Variants in NAA16 observed in about 807,000 individuals in gnomAD.
NAA16 encodes the protein NARG1-like protein.
In NAA16, 97 loss-of-function variants were observed where a neutral mutation model predicts 110.3. The observed-to-expected ratio is 0.88, with a 90% CI of 0.75 to 1.04. The LOEUF (loss-of-function observed/expected upper bound fraction) is 1.04, where lower values mean the gene tolerates loss of function less well. Ranked by LOEUF, NAA16 falls within the 50% of genes least tolerant of loss-of-function variation. The pLI is 0.00. For missense variants in NAA16, 1,017 were observed against 1,005.1 expected (o/e 1.01, Z -0.16); for synonymous variants, 372 against 330.6 (o/e 1.13, Z -1.36).
At chr13:41,350,851 C>G (rs1300400922) in intron 9 of NAA16, among the ~76,000 whole-genome samples, 1 of 152,066 alleles carries the variant, frequency 6.6e-6, no homozygotes, top group Admixed American at 6.6e-5. Flanking sequence ...TCTTGGGCTC[C>G]TGGGCTTAAG....
intron 9 of NAA16, among the ~76,000 whole-genome samples, chr13:41,344,608 C>A (rs749387898): frequency 6.6e-6 from 1 of 152,118 alleles, no homozygotes; most frequent in Non-Finnish European, 1.5e-5. Flanking sequence ...CTACTGTTGA[C>A]GTGTTGGGCT....
intron 1 of NAA16, among the ~76,000 whole-genome samples, chr13:41,313,040 C>T (rs188390291): frequency 8.2e-4 from 125 of 151,906 alleles, no homozygotes; most frequent in South Asian, 5.0e-3. Context: ...TTATAAATCG[C>T]TAGTTGGATT....
chr13:41,336,846 C>A, intron 9 of NAA16, 90 bp downstream of exon 9: 1 of 687,992 alleles, frequency 1.5e-6, no homozygotes, highest in Non-Finnish European at 2.3e-6. Context: ...ATTACTTAAT[C>A]ATTTTCTTTG....
At chr13:41,331,132 A>C (rs532491811) in intron 7 of NAA16, 142 bp from the exon 8 acceptor site, 1 of 531,460 alleles carries the variant, frequency 1.9e-6, no homozygotes, top group African/African-American at 1.9e-5. Flanking sequence ...AGAGTTTTAA[A>C]TGTCATTTTT....
chr13:41,366,418 T>C (rs2043208206), intron 13 of NAA16, among the ~76,000 whole-genome samples: 1 of 152,106 alleles, frequency 6.6e-6, no homozygotes, highest in Non-Finnish European at 1.5e-5. Flanking sequence ...TCTATATTGG[T>C]GTATTGAATC....
chr13:41,376,947 T>G lies in NAA16; in HGVS notation c.*1345T>G, dbSNP rs1462567576. 6.6e-6 allele frequency: 1 copy of G among 152,204 alleles called. No homozygotes were observed. The highest frequency in any genetic ancestry group is 2.4e-5 in the African/African-American group (1 of 41,458). The allele number at this position is 152,204 out of a possible 1,614,324, so 9.4% of individuals were successfully genotyped here. A position where few individuals can be genotyped will look rare whatever the true frequency, so the allele number is the denominator to read the frequency against. On this transcript the variant is annotated 3_prime_UTR_variant, in exon 20 of 20. Transcript: ENST00000379406. The stretch of plus-strand genomic sequence containing the variant: ...TTCTTTTCACCCTAATCTATTTAGA[T>G]TCATACTTATTGAGACGGGAAAAAC...
At chr13:41,325,663 T>G (rs1566250181) in intron 5 of NAA16, 35 bp from the exon 6 acceptor site, 3 of 1,439,972 alleles carry the variant, frequency 2.1e-6, no homozygotes, top group Non-Finnish European at 2.8e-6. Flanking sequence ...TTTATATAAT[T>G]ATACAAATAA....
chr13:41,316,246 C>T (rs1204774203), intron 1 of NAA16, among the ~76,000 whole-genome samples: 1 of 151,880 alleles, frequency 6.6e-6, no homozygotes, highest in African/African-American at 2.4e-5. Context: ...TCTCCTGCCT[C>T]AGCCACCCAA....
intron 9 of NAA16, among the ~76,000 whole-genome samples, chr13:41,351,515 C>CG (rs1489959237): frequency 6.6e-6 from 1 of 151,710 alleles, no homozygotes; most frequent in Non-Finnish European, 1.5e-5. Flanking sequence ...CTCTTCATTG[C>CG]GAAAAAAATG....
chr13:41,372,967 AT>A, intron 17 of NAA16, 137 bp downstream of exon 17: 1 of 1,140,610 alleles, frequency 8.8e-7, no homozygotes, highest in Non-Finnish European at 1.1e-6. Context: ...TATTTTCATG[AT>A]ACAAATCCTC....
chr13:41,325,051 G>A (rs867028838), intron 5 of NAA16, among the ~76,000 whole-genome samples: 18 of 142,238 alleles, frequency 1.3e-4, no homozygotes, highest in Middle Eastern at 3.7e-3. Flanking sequence ...CTCCACTTCC[G>A]GGCTTAAGCG....
chr13:41,336,775 T>C lies in NAA16; in HGVS notation c.1014+19T>C, dbSNP rs762810310. ...AGAAAAGGTAAAATTTGGTATTTAT[T>C]CAGATTTGCTATAGTCTTTTTTACT... On this transcript the variant is annotated intron_variant, in intron 9 of 19. Coordinates refer to ENST00000379406, the MANE Select transcript of NAA16 (RefSeq NM_024561.5). 4 of 1,400,228 alleles carry C rather than the reference T, an allele frequency of 2.9e-6. No individual in the cohort carries two copies. The South Asian group carries it at 3.7e-5, about 13-fold the overall frequency. 86.7% of individuals were successfully genotyped at this position (1,400,228 alleles called of 1,614,324 possible).
rs753818208 is a variant in NAA16 at position 41,355,124 on chromosome 13, A to T, written c.1015-20A>T. Reference sequence around the variant, plus strand: ...TTCAAGAAGATATTTTTAAATTTTAAAAATATGTTTCTTTAACAGGTTTCT... The same window carrying T: ...TTCAAGAAGATATTTTTAAATTTTATAAATATGTTTCTTTAACAGGTTTCT... On this transcript the variant is annotated intron_variant, in intron 9 of 19. Transcript: ENST00000379406. The T allele has an allele frequency of 1.4e-6, 2 of 1,463,546 alleles. No individual in the cohort carries two copies. The highest frequency in any genetic ancestry group is 9.3e-7 in the Non-Finnish European group (1 of 1,069,908). 90.7% of individuals were successfully genotyped at this position (1,463,546 alleles called of 1,614,324 possible).
intron 13 of NAA16, chr13:41,362,390 T>G (rs1328226871): frequency 2.3e-6 from 1 of 436,022 alleles, no homozygotes; most frequent in Non-Finnish European, 4.0e-6. Context: ...GGAAAAAGAT[T>G]GTTAGTAAAC....
At chr13:41,319,933 T>C (rs1022592202) in intron 3 of NAA16, among the ~76,000 whole-genome samples, 3 of 152,180 alleles carry the variant, frequency 2.0e-5, no homozygotes, top group South Asian at 2.1e-4. Context: ...CATTTTAGTT[T>C]GTTAACATGT....
At position 41,372,232 on chromosome 13, in the gene NAA16, G is replaced by A; in HGVS notation, c.1977G>A (p.Lys659=). ...RVENPLEEAV[K]FLIPLKNLVA... ...AAAATCCATTAGAGGAAGCCGTTAAGTTCCTTATACCTCTTAAGAACCTTG... is the reference window on the plus strand; with the variant it reads ...AAAATCCATTAGAGGAAGCCGTTAAATTCCTTATACCTCTTAAGAACCTTG... The change falls in exon 16 of 20, where the codon AAG becomes AAA. Residue 659 remains lysine, a synonymous_variant. Coordinates refer to ENST00000379406, the MANE Select transcript of NAA16 (RefSeq NM_024561.5). 5 of 1,589,326 alleles carry A rather than the reference G, an allele frequency of 3.1e-6. No individual in the cohort carries two copies. The highest frequency in any genetic ancestry group is 4.3e-6 in the Non-Finnish European group (5 of 1,169,986).
chr13:41,342,563 G>C (rs183093152), intron 9 of NAA16, among the ~76,000 whole-genome samples: 3 of 152,200 alleles, frequency 2.0e-5, no homozygotes, highest in African/African-American at 4.8e-5. Flanking sequence ...TTCTGTTCCC[G>C]AGTTGGCATA....
At chr13:41,332,529 T>C (rs994915509) in intron 8 of NAA16, among the ~76,000 whole-genome samples, 1 of 152,208 alleles carries the variant, frequency 6.6e-6, no homozygotes, top group Admixed American at 6.5e-5. Flanking sequence ...TTCAGGTAGC[T>C]AATATCTTTG....
chr13:41,355,877 T>C lies in NAA16; in HGVS notation c.1087+661T>C, dbSNP rs1405879756. On this transcript the variant is annotated intron_variant, in intron 10 of 19. Coordinates refer to ENST00000379406, the MANE Select transcript of NAA16 (RefSeq NM_024561.5). ...CTTATTACTTTTAATCCTCTTTAGT[T>C]TGGTCCTTTGTTTCTATATTTGTAG... Among the ~76,000 whole-genome samples, 5 of 152,248 alleles carry C rather than the reference T, an allele frequency of 3.3e-5. No homozygotes were observed. In the East Asian group the frequency reaches 7.7e-4, roughly 23 times the overall value.
Sources: allele counts gnomAD v4.1 joint callset (sites outside exome capture counted in the v4.1 genomes callset), GRCh38; gene constraint gnomAD v4.1.1; transcripts MANE v1.5; gene names NCBI Gene and HGNC (gene_info 2026-07-23, HGNC 2026-07-21).